The following ZKSCAN2 variants were observed in gnomAD, a reference collection of about 807,000 sequenced individuals.
ZKSCAN2 encodes zinc finger protein with KRAB and SCAN domains 2.
In ZKSCAN2, 38 loss-of-function variants were observed where a neutral mutation model predicts 90.5. That is an observed-to-expected ratio of 0.42 (90% CI 0.32 to 0.55). The LOEUF is 0.55. Among genes scored for constraint, ZKSCAN2 ranks in the 20% least tolerant of loss-of-function variants. The pLI is 0.11. For synonymous variants in ZKSCAN2, 429 were observed against 421.6 expected (o/e 1.02, Z -0.22); for missense variants, 1,167 against 1,202.6 (o/e 0.97, Z 0.44).
intron 2 of ZKSCAN2, among the ~76,000 whole-genome samples, chr16:25,253,647 C>T (rs941313074): frequency 6.6e-6 from 1 of 152,230 alleles, no homozygotes; most frequent in African/African-American, 2.4e-5. Flanking sequence ...TTATTGAGCA[C>T]TATTATGCAC....
At chr16:25,255,445 GC>G (rs1963086934) in intron 1 of ZKSCAN2, 53 bp from the exon 2 acceptor site, 1 of 1,542,802 alleles carries the variant, frequency 6.5e-7, no homozygotes, top group South Asian at 1.2e-5. Flanking sequence ...CCATATCAGG[GC>G]GAAATTCTCC....
intron 6 of ZKSCAN2, among the ~76,000 whole-genome samples, chr16:25,241,792 C>T (rs1962858220): frequency 6.6e-6 from 1 of 152,176 alleles, no homozygotes; most frequent in Non-Finnish European, 1.5e-5. Flanking sequence ...ACTCTCAATC[C>T]CAAGTGTGGA....
At position 25,244,082 on chromosome 16, in the gene ZKSCAN2, G is replaced by A. The variant is rs748887876; in HGVS notation, c.1684C>T (p.Arg562Cys). Residue 562 changes from arginine to cysteine, a missense_variant, in exon 6 of 7, where the codon CGC (arginine) becomes TGC (cysteine). Arg to Cys is a radical substitution (Grantham distance 180, BLOSUM62 -3). Transcript: ENST00000328086. ...AGCACGTGGCCATTTTTCACCTTGC[G>A]GTAACTCTTCTGAAGGCTTTTGAAC... Reference protein sequence around the residue: ...TKFKSLQKSYRKVKNGHVLES... With the variant: ...TKFKSLQKSYCKVKNGHVLES... 34 of 1,614,026 alleles carry A rather than the reference G, an allele frequency of 2.1e-5. No homozygotes were observed. In the Middle Eastern group the frequency reaches 6.6e-4, roughly 31 times the overall value.
chr16:25,244,280 C>T lies in ZKSCAN2; in HGVS notation c.1490-4G>A. Reference sequence around the variant, plus strand: ...TCTTCATAGCCCCAGTGCACGCCTGCCATTTGGGGATAAAGTTCACAATGT... The same window carrying T: ...TCTTCATAGCCCCAGTGCACGCCTGTCATTTGGGGATAAAGTTCACAATGT... On this transcript the variant is annotated splice_region_variant and splice_polypyrimidine_tract_variant and intron_variant, in intron 5 of 6. Coordinates refer to ENST00000328086, the MANE Select transcript of ZKSCAN2 (RefSeq NM_001012981.5). 1 of 1,608,240 alleles carries T rather than the reference C, an allele frequency of 6.2e-7. No homozygotes were observed. Among genetic ancestry groups the T allele is most frequent in the Non-Finnish European group, 8.5e-7 (1 of 1,176,308 alleles).
chr16:25,257,398 G>A lies in ZKSCAN2; in HGVS notation c.-271C>T. 1.2e-5 allele frequency: 14 copies of A among 1,164,924 alleles called. No homozygotes were observed. Among genetic ancestry groups the A allele is most frequent in the Non-Finnish European group, 1.5e-5 (14 of 946,362 alleles). 72.2% of individuals were successfully genotyped at this position (1,164,924 alleles called of 1,614,324 possible). A position where few individuals can be genotyped will look rare whatever the true frequency, so the allele number is the denominator to read the frequency against. On this transcript the variant is annotated 5_prime_UTR_variant, in exon 1 of 7. Coordinates refer to ENST00000328086, the MANE Select transcript of ZKSCAN2 (RefSeq NM_001012981.5). ...GGTTTTCCAGAGTGCATCCCTCTTA[G>A]TGCAAAGTCGGAAACCGGGAGGCTG...
chr16:25,237,936 A>G lies in ZKSCAN2; in HGVS notation c.*1880T>C, dbSNP rs17625090. ...GTGCTACGCACACTACCAACATGGAACTGTACTTAGCATTAGAAATCTATA... is the reference window on the plus strand; with the variant it reads ...GTGCTACGCACACTACCAACATGGAGCTGTACTTAGCATTAGAAATCTATA... On this transcript the variant is annotated 3_prime_UTR_variant, in exon 7 of 7. Coordinates refer to ENST00000328086, the MANE Select transcript of ZKSCAN2 (RefSeq NM_001012981.5). 0.13 allele frequency: 19,364 copies of G among 152,332 alleles called. 1,355 individuals carry two copies. Among genetic ancestry groups the G allele is most frequent in the Non-Finnish European group, 0.16 (10,673 of 68,030 alleles). 9.4% of individuals were successfully genotyped at this position (152,332 alleles called of 1,614,324 possible). A position where few individuals can be genotyped will look rare whatever the true frequency, so the allele number is the denominator to read the frequency against.
At chr16:25,253,405 C>G (rs1963049854) in intron 2 of ZKSCAN2, among the ~76,000 whole-genome samples, 1 of 151,942 alleles carries the variant, frequency 6.6e-6, no homozygotes, top group South Asian at 2.1e-4. Flanking sequence ...CCTTCCCCAG[C>G]CTTCCTTTCC....
chr16:25,240,314 A>T lies in ZKSCAN2; in HGVS notation c.2406T>A (p.Pro802=). 2 of 1,614,060 alleles carry T rather than the reference A, an allele frequency of 1.2e-6. No individual in the cohort carries two copies. Among genetic ancestry groups the T allele is most frequent in the Non-Finnish European group, 1.7e-6 (2 of 1,180,018 alleles). The part of the protein sequence containing the change: ...RHQRIHTGEK[P]FKCLDCGKSF... The stretch of plus-strand genomic sequence containing the variant: ...TTTTTCCACAGTCAAGACATTTAAA[A>T]GGTTTTTCGCCTGTGTGGATTCTTT... The change falls in exon 7 of 7, where the codon CCT becomes CCA. Residue 802 remains proline, a synonymous_variant. Transcript: ENST00000328086.
Position 25,247,205 on chromosome 16 carries a change from A to G in ZKSCAN2, c.991T>C (p.Trp331Arg). 1 of 1,614,062 alleles carries G rather than the reference A, an allele frequency of 6.2e-7. No homozygotes were observed. ...GCTATCTTTTCATCTTCTAAACCCC[A>G]CTGCTGCTGCTCTCTCCATGTTTTT... ...AGKTWREQQQ[W>R]GLEDEKIAGV... The change falls in exon 5 of 7, where the codon TGG becomes CGG. Residue 331 changes from tryptophan (W) to arginine (R), a missense_variant. By Grantham distance (101) the Trp-to-Arg change is moderately radical (BLOSUM62 -3). Transcript: ENST00000328086.
rs893336274 is a variant in ZKSCAN2 at position 25,257,492 on chromosome 16, G to A, written c.-365C>T. 19 of 1,004,386 alleles carry A rather than the reference G, an allele frequency of 1.9e-5. No individual in the cohort carries two copies. Among genetic ancestry groups the A allele is most frequent in the Non-Finnish European group, 2.3e-5 (19 of 843,246 alleles). The allele number at this position is 1,004,386 out of a possible 1,614,324, so 62.2% of individuals were successfully genotyped here. On this transcript the variant is annotated 5_prime_UTR_variant, in exon 1 of 7. Coordinates refer to ENST00000328086, the MANE Select transcript of ZKSCAN2 (RefSeq NM_001012981.5). ...GGAGGCGGACAGCCGGGCCGGGAGG[G>A]GGTGTGTCCGCTACTCCCGGGTCGG...
At chr16:25,251,058 A>G (rs1963012974) in intron 4 of ZKSCAN2, among the ~76,000 whole-genome samples, 1 of 152,034 alleles carries the variant, frequency 6.6e-6, no homozygotes, top group African/African-American at 2.4e-5. Flanking sequence ...GCCTGGCCTT[A>G]TTTACATATA....
At position 25,256,793 on chromosome 16, in the gene ZKSCAN2, C is replaced by G; in HGVS notation, c.335G>C (p.Ser112Thr). ...TACCAGGGCCACCGCTTCCTCTCCA[C>G]TTTGCGGACACTGCTTCTGTGCCCA... ...QAWAQKQCPQ[S>T]GEEAVALVVH... The change falls in exon 1 of 7, where the codon AGT (serine) becomes ACT (threonine). Residue 112 changes from serine to threonine, a missense_variant. Physicochemically the swap from Ser to Thr is moderately conservative, Grantham distance 58. Transcript: ENST00000328086. The G allele has an allele frequency of 6.2e-7, 1 of 1,614,210 alleles. No individual in the cohort carries two copies. The highest frequency in any genetic ancestry group is 8.5e-7 in the Non-Finnish European group (1 of 1,180,042).
At position 25,239,593 on chromosome 16, in the gene ZKSCAN2, T is replaced by C. The variant is rs976944140; in HGVS notation, c.*223A>G. On this transcript the variant is annotated 3_prime_UTR_variant, in exon 7 of 7. Coordinates refer to ENST00000328086, the MANE Select transcript of ZKSCAN2 (RefSeq NM_001012981.5). Reference sequence around the variant, plus strand: ...GGTATTTCATTCTGAACTCGGACAATGTATCTTCGCCACATTCTTAAAGGA... The same window carrying C: ...GGTATTTCATTCTGAACTCGGACAACGTATCTTCGCCACATTCTTAAAGGA... 6.4e-6 allele frequency: 3 copies of C among 469,640 alleles called. No individual in the cohort carries two copies. The highest frequency in any genetic ancestry group is 1.9e-5 in the African/African-American group (1 of 51,994). 29.1% of individuals were successfully genotyped at this position (469,640 alleles called of 1,614,324 possible).
At chr16:25,250,921 T>TA (rs1201016171) in intron 4 of ZKSCAN2, among the ~76,000 whole-genome samples, 6 of 152,130 alleles carry the variant, frequency 3.9e-5, no homozygotes, top group Admixed American at 3.9e-4. Context: ...CATGTCCAGC[T>TA]AATTTTGTAT....
Position 25,246,949 on chromosome 16 carries a change from C to G in ZKSCAN2, c.1247G>C (p.Cys416Ser), listed in dbSNP as rs755189025. 6.2e-7 allele frequency: 1 copy of G among 1,614,140 alleles called. No homozygotes were observed. Among genetic ancestry groups the G allele is most frequent in the Non-Finnish European group, 8.5e-7 (1 of 1,180,022 alleles). Reference sequence around the variant, plus strand: ...AGCATCCATGTCCTCAAAGAAGGCGCAGGGTTCTAGCATGTGGCCATTTCT... The same window carrying G: ...AGCATCCATGTCCTCAAAGAAGGCGGAGGGTTCTAGCATGTGGCCATTTCT... ...KVRNGHMLEP[C>S]AFFEDMDALL... Residue 416 changes from cysteine to serine, a missense_variant, in exon 5 of 7, where the codon TGC (cysteine) becomes TCC (serine). By Grantham distance (112) the Cys-to-Ser change is moderately radical (BLOSUM62 -1). Coordinates refer to ENST00000328086, the MANE Select transcript of ZKSCAN2 (RefSeq NM_001012981.5).
chr16:25,255,478 A>AC, intron 1 of ZKSCAN2, 86 bp from the exon 2 acceptor site: 1 of 1,401,836 alleles, frequency 7.1e-7, no homozygotes, highest in Non-Finnish European at 9.6e-7. Context: ...TCAAAGAAGG[A>AC]CAGAGACATG....
intron 4 of ZKSCAN2, among the ~76,000 whole-genome samples, chr16:25,250,237 A>G (rs2141367309): frequency 6.6e-6 from 1 of 152,246 alleles, no homozygotes; most frequent in South Asian, 2.1e-4. Context: ...TGAACCCAGG[A>G]GGCAGAGGTT....
chr16:25,243,249 A>G (rs566747103), intron 6 of ZKSCAN2, among the ~76,000 whole-genome samples: 7 of 152,328 alleles, frequency 4.6e-5, no homozygotes, highest in African/African-American at 1.7e-4. Context: ...GACCCATACC[A>G]ACAAAAACCA....
At chr16:25,249,181 A>AT (rs538342450) in intron 4 of ZKSCAN2, among the ~76,000 whole-genome samples, 2 of 152,192 alleles carry the variant, frequency 1.3e-5, no homozygotes, top group African/African-American at 2.4e-5. Context: ...AGGGTACAAA[A>AT]TTTCAGTTAG....
Sources: allele counts gnomAD v4.1 joint callset (sites outside exome capture counted in the v4.1 genomes callset), GRCh38; gene constraint gnomAD v4.1.1; transcripts MANE v1.5; gene names NCBI Gene and HGNC (gene_info 2026-07-23, HGNC 2026-07-21).